Variants in DLGAP2 observed in about 807,000 individuals in gnomAD.
The protein encoded by DLGAP2 is disks large-associated protein 2.
A neutral mutation model predicts 100.3 loss-of-function variants in DLGAP2; 26 were observed. That is an observed-to-expected ratio of 0.26 (90% confidence interval 0.19 to 0.36). The LOEUF (loss-of-function observed/expected upper bound fraction) is 0.36, where lower values mean the gene tolerates loss of function less well. Among genes scored for constraint, DLGAP2 ranks in the 10% least tolerant of loss-of-function variants. The pLI is 1.00. For synonymous variants in DLGAP2, 886 were observed against 630.1 expected (o/e 1.41, Z -6.08); for missense variants, 1,858 against 1,453.2 (o/e 1.28, Z -4.53).
At chr8:985,874 C>G (rs1303360931) in intron 2 of DLGAP2, among the ~76,000 whole-genome samples, 3 of 152,142 alleles carry the variant, frequency 2.0e-5, no homozygotes, top group Non-Finnish European at 4.4e-5. Flanking sequence ...GATCACCTGA[C>G]AAACCCCCTG....
chr8:1,579,145 A>G (rs983622172), intron 6 of DLGAP2, among the ~76,000 whole-genome samples: 2 of 152,220 alleles, frequency 1.3e-5, no homozygotes, highest in East Asian at 1.9e-4. Flanking sequence ...GCTTAGTTCA[A>G]TTAGAAAGTC....
At chr8:1,640,325 G>A (rs748049413) in intron 8 of DLGAP2, among the ~76,000 whole-genome samples, 2 of 129,032 alleles carry the variant, frequency 1.6e-5, no homozygotes, top group Non-Finnish European at 3.3e-5. Flanking sequence ...CAGACCTGCT[G>A]CTGAAGGGAA....
chr8:761,679 C>T (rs963319289), intron 1 of DLGAP2, among the ~76,000 whole-genome samples: 11 of 152,152 alleles, frequency 7.2e-5, no homozygotes, highest in Admixed American at 2.6e-4. Flanking sequence ...GAATCATTCC[C>T]GTGTGTCAGG....
At chr8:1,077,986 G>C (rs1465900599) in intron 2 of DLGAP2, among the ~76,000 whole-genome samples, 1 of 152,184 alleles carries the variant, frequency 6.6e-6, no homozygotes, top group Non-Finnish European at 1.5e-5. Context: ...CATGTCCTCT[G>C]TGGCTGTTGC....
At position 833,783 on chromosome 8, in the gene DLGAP2, G is replaced by T. The variant is rs142862141; in HGVS notation, c.19-74129G>T. On this transcript the variant is annotated intron_variant, in intron 1 of 14. Coordinates refer to ENST00000637795, the MANE Select transcript of DLGAP2 (RefSeq NM_001346810.2). Reference sequence around the variant, plus strand: ...TGTATGCATACCTTTCATCTTTAGAGATTTTTTACCATGAATTTAGACAAA... The same window carrying T: ...TGTATGCATACCTTTCATCTTTAGATATTTTTTACCATGAATTTAGACAAA... Among the ~76,000 whole-genome samples, 872 of 152,270 alleles carry T rather than the reference G, an allele frequency of 5.7e-3. 8 individuals are homozygous for T. The highest frequency in any genetic ancestry group is 0.02 in the African/African-American group (814 of 41,528).
chr8:847,275 G>T lies in DLGAP2; in HGVS notation c.19-60637G>T, dbSNP rs374615839. Among the ~76,000 whole-genome samples, 81 of 152,188 alleles carry T rather than the reference G, an allele frequency of 5.3e-4. 1 individual carries two copies. The South Asian group carries it at 0.015, about 27-fold the overall frequency. On this transcript the variant is annotated intron_variant, in intron 1 of 14. Transcript: ENST00000637795. ...TCAGATATACTGGCCAAAGTTCACAGTGTTTCTTTTGATCTATTTAATCTT... is the reference window on the plus strand; with the variant it reads ...TCAGATATACTGGCCAAAGTTCACATTGTTTCTTTTGATCTATTTAATCTT...
At chr8:1,367,974 C>A (rs781306575) in intron 3 of DLGAP2, among the ~76,000 whole-genome samples, 2 of 152,218 alleles carry the variant, frequency 1.3e-5, no homozygotes, top group African/African-American at 2.4e-5. Context: ...GCTTTGCCGT[C>A]AGGATTCACC....
At chr8:1,141,353 A>G (rs372065014) in intron 2 of DLGAP2, among the ~76,000 whole-genome samples, 10 of 152,356 alleles carry the variant, frequency 6.6e-5, no homozygotes, top group African/African-American at 2.2e-4. Context: ...AAGAAACCCA[A>G]TTGGACCTGA....
intron 4 of DLGAP2, among the ~76,000 whole-genome samples, chr8:1,505,096 T>G (rs1191442447): frequency 6.6e-6 from 1 of 152,194 alleles, no homozygotes; most frequent in Non-Finnish European, 1.5e-5. Flanking sequence ...CAAATAGCAT[T>G]ATTTTAGACA....
At position 908,433 on chromosome 8, in the gene DLGAP2, G is replaced by T. The variant is rs79057571; in HGVS notation, c.73+467G>T. ...TGTTCTGGAAACCCCCAAGGTCTCA[G>T]TGAATAAAACACTGGCATGAATGTT... is the stretch of plus-strand genomic sequence containing the variant. On this transcript the variant is annotated intron_variant, in intron 2 of 14. Transcript: ENST00000637795. Among the ~76,000 whole-genome samples, 879 of 152,332 alleles carry T rather than the reference G, an allele frequency of 5.8e-3. 5 individuals are homozygous for T. The highest frequency in any genetic ancestry group is 0.02 in the African/African-American group (839 of 41,568).
At position 1,459,756 on chromosome 8, in the gene DLGAP2, G is replaced by A. The variant is rs150942090; in HGVS notation, c.107-41610G>A. Among the ~76,000 whole-genome samples, 215 of 140,430 alleles carry A rather than the reference G, an allele frequency of 1.5e-3. No homozygotes were observed. In the East Asian group the frequency reaches 0.031, roughly 20 times the overall value. The allele number at this position is 140,430 out of a possible 152,430, so 92.1% of individuals were successfully genotyped here. On this transcript the variant is annotated intron_variant, in intron 3 of 14. Coordinates refer to ENST00000637795, the MANE Select transcript of DLGAP2 (RefSeq NM_001346810.2). ...GCTGGAGTGCAGTGGCACAATCTTG[G>A]CTCACTGCAACCTCTGCCTCCCAGG...
chr8:1,106,407 T>C (rs534433301), intron 2 of DLGAP2, among the ~76,000 whole-genome samples: 20 of 151,038 alleles, frequency 1.3e-4, no homozygotes, highest in African/African-American at 3.4e-4. Flanking sequence ...GAGGGTTTTC[T>C]ATTGAAGGGA....
chr8:1,562,689 A>G (rs1349725159), intron 5 of DLGAP2, among the ~76,000 whole-genome samples: 8 of 21,810 alleles, frequency 3.7e-4, no homozygotes, highest in Admixed American at 7.5e-4. Context: ...GCGCCTCATT[A>G]CTGGGGGGCT....
intron 2 of DLGAP2, among the ~76,000 whole-genome samples, chr8:1,136,068 A>G (rs991600733): frequency 6.6e-6 from 1 of 152,266 alleles, no homozygotes; most frequent in African/African-American, 2.4e-5. Flanking sequence ...CAACCTGCTC[A>G]TGAAAAATTC....
intron 3 of DLGAP2, among the ~76,000 whole-genome samples, chr8:1,440,177 C>T (rs1028788095): frequency 5.9e-5 from 9 of 152,122 alleles, no homozygotes; most frequent in Non-Finnish European, 1.2e-4. Flanking sequence ...GGAGAAAAGA[C>T]CCTGATACAA....
chr8:1,307,023 T>C (rs1032083106), intron 3 of DLGAP2, among the ~76,000 whole-genome samples: 6 of 152,156 alleles, frequency 3.9e-5, no homozygotes, highest in South Asian at 2.1e-4. Flanking sequence ...AACAAAAGAA[T>C]AGATACATAA....
intron 2 of DLGAP2, among the ~76,000 whole-genome samples, chr8:1,135,159 A>T (rs1216339197): frequency 2.0e-5 from 3 of 152,190 alleles, no homozygotes; most frequent in Non-Finnish European, 4.4e-5. Flanking sequence ...GCTATTGGTT[A>T]CATAAAATTA....
chr8:1,483,766 G>A (rs1362205017), intron 3 of DLGAP2, among the ~76,000 whole-genome samples: 48 of 77,576 alleles, frequency 6.2e-4, no homozygotes, highest in Middle Eastern at 8.2e-3. Flanking sequence ...GCATGTGCAG[G>A]ACATGGGGAC....
At chr8:1,599,920 C>G (rs1001117931) in intron 6 of DLGAP2, among the ~76,000 whole-genome samples, 2 of 152,096 alleles carry the variant, frequency 1.3e-5, no homozygotes, top group Non-Finnish European at 2.9e-5. Flanking sequence ...CATTATGATG[C>G]TAGCCGGTTA....
Sources: allele counts gnomAD v4.1 joint callset (sites outside exome capture counted in the v4.1 genomes callset), GRCh38; gene constraint gnomAD v4.1.1; transcripts MANE v1.5; gene names NCBI Gene and HGNC (gene_info 2026-07-23, HGNC 2026-07-21).